The following LARGE1 variants were observed in gnomAD, a reference collection of about 807,000 sequenced individuals.
LARGE1 encodes the protein xylosyl- and glucuronyltransferase LARGE1.
In LARGE1, 43 loss-of-function variants were observed where a neutral mutation model predicts 87.6. The ratio of observed to expected loss-of-function variants is 0.49; its 90% CI spans 0.38 to 0.63. The LOEUF is 0.63. LARGE1 is among the 30% of genes least tolerant of loss of function. The pLI, the probability that LARGE1 is intolerant of heterozygous loss-of-function variation, is 0.00. For synonymous variants in LARGE1, 434 were observed against 394.6 expected (o/e 1.10, Z -1.18); for missense variants, 802 against 1,000.2 (o/e 0.80, Z 2.67).
intron 11 of LARGE1, among the ~76,000 whole-genome samples, chr22:33,224,611 A>C (rs545339407): frequency 6.6e-6 from 1 of 152,180 alleles, no homozygotes; most frequent in Non-Finnish European, 1.5e-5. Context: ...CACATATCAC[A>C]CTTTGAGTAG....
chr22:33,758,804 C>T (rs1425369018), intron 2 of LARGE1, among the ~76,000 whole-genome samples: 2 of 152,172 alleles, frequency 1.3e-5, no homozygotes, highest in African/African-American at 2.4e-5. Context: ...TGCCATTTGC[C>T]TTTGGTGGCC....
intron 5 of LARGE1, among the ~76,000 whole-genome samples, chr22:33,574,663 C>A (rs1025589212): frequency 6.9e-6 from 1 of 145,264 alleles, no homozygotes; most frequent in East Asian, 2.2e-4. Context: ...GATAGGACAA[C>A]GAAGGCACAG....
chr22:33,870,264 G>A (rs1471020155), intron 1 of LARGE1, among the ~76,000 whole-genome samples: 1 of 152,138 alleles, frequency 6.6e-6, no homozygotes, highest in African/African-American at 2.4e-5. Flanking sequence ...GTTTCAGAGA[G>A]CATGGCCCTG....
At chr22:33,255,532 T>A (rs1696214171) in intron 11 of LARGE1, among the ~76,000 whole-genome samples, 1 of 152,298 alleles carries the variant, frequency 6.6e-6, no homozygotes, top group Non-Finnish European at 1.5e-5. Flanking sequence ...CAAACCCAGA[T>A]GTAAGTTGAT....
At chr22:33,588,051 G>A (rs1028529395) in intron 5 of LARGE1, among the ~76,000 whole-genome samples, 1 of 152,088 alleles carries the variant, frequency 6.6e-6, no homozygotes, top group South Asian at 2.1e-4. Context: ...ATAAAATAAC[G>A]TTACTGGGAA....
At chr22:33,303,912 C>T (rs1934512186) in intron 12 of LARGE1, among the ~76,000 whole-genome samples, 1 of 152,140 alleles carries the variant, frequency 6.6e-6, no homozygotes, top group Non-Finnish European at 1.5e-5. Context: ...CGAGAGCCAT[C>T]GCGTGCCTGC....
intron 1 of LARGE1, among the ~76,000 whole-genome samples, chr22:33,830,374 C>T (rs1302339161): frequency 6.6e-6 from 1 of 152,148 alleles, no homozygotes; most frequent in Non-Finnish European, 1.5e-5. Flanking sequence ...CGAGTTCTTC[C>T]TTCCTTCCAG....
intron 1 of LARGE1, among the ~76,000 whole-genome samples, chr22:33,806,749 T>C (rs1309337328): frequency 1.3e-5 from 2 of 152,156 alleles, no homozygotes; most frequent in East Asian, 1.9e-4. Context: ...TGATGGCTCA[T>C]GCCTGTAATC....
intron 2 of LARGE1, among the ~76,000 whole-genome samples, chr22:33,759,764 T>C (rs2084655704): frequency 6.6e-6 from 1 of 152,186 alleles, no homozygotes; most frequent in Admixed American, 6.5e-5. Context: ...TTTTCCATGA[T>C]CTCTGGGAGA....
intron 9 of LARGE1, among the ~76,000 whole-genome samples, chr22:33,348,280 A>ACCC (rs11327050): frequency 1.1e-3 from 110 of 100,846 alleles, no homozygotes; most frequent in African/African-American, 1.4e-3. Flanking sequence ...TCCCCCACCC[A>ACCC]CCCCCCCCCA....
At chr22:33,753,829 G>C (rs1230632740) in intron 2 of LARGE1, among the ~76,000 whole-genome samples, 7 of 152,146 alleles carry the variant, frequency 4.6e-5, no homozygotes, top group Non-Finnish European at 1.0e-4. Context: ...GGAGGCCAAG[G>C]TGGGCGGGTC....
At chr22:33,436,653 C>T (rs1183962676) in intron 6 of LARGE1, 1 of 152,814 alleles carries the variant, frequency 6.5e-6, no homozygotes, top group African/African-American at 2.4e-5. Context: ...TAACTCCTTC[C>T]ACATCCATGG....
At chr22:33,494,979 C>A (rs2148318912) in intron 6 of LARGE1, among the ~76,000 whole-genome samples, 1 of 152,314 alleles carries the variant, frequency 6.6e-6, no homozygotes, top group East Asian at 1.9e-4. Context: ...CCACACTCCA[C>A]TCAGTAATGC....
At chr22:33,689,135 CAAAT>C (rs2082023502) in intron 2 of LARGE1, among the ~76,000 whole-genome samples, 1 of 129,938 alleles carries the variant, frequency 7.7e-6, no homozygotes, top group African/African-American at 2.9e-5. Context: ...CAAGGGCTGA[CAAAT>C]TTACTGTCTC....
rs74556043 is a variant in LARGE1 at position 33,464,064 on chromosome 22, A to G, written c.788-31799T>C. Among the ~76,000 whole-genome samples, 883 of 152,332 alleles carry G rather than the reference A, an allele frequency of 5.8e-3. 5 individuals carry two copies. Among genetic ancestry groups the G allele is most frequent in the African/African-American group, 0.02 (822 of 41,586 alleles). ...AGCACTACTAGCTATCAGGATTATT[A>G]TAAAGGCATAATAATCTAAACACAA... is the stretch of plus-strand genomic sequence containing the variant. On this transcript the variant is annotated intron_variant, in intron 6 of 14. Coordinates refer to ENST00000397394, the MANE Select transcript of LARGE1 (RefSeq NM_133642.5).
At chr22:33,553,976 C>T (rs1422758894) in intron 6 of LARGE1, among the ~76,000 whole-genome samples, 2 of 152,114 alleles carry the variant, frequency 1.3e-5, no homozygotes, top group Non-Finnish European at 2.9e-5. Flanking sequence ...CGTGAGGCTC[C>T]TCACTCCCAC....
At chr22:33,455,786 A>G (rs747042510) in intron 6 of LARGE1, among the ~76,000 whole-genome samples, 1 of 145,340 alleles carries the variant, frequency 6.9e-6, no homozygotes, top group African/African-American at 2.5e-5. Flanking sequence ...AAAAATTGCT[A>G]TTGGTTTAAA....
Position 33,738,565 on chromosome 22 carries a change from G to C in LARGE1, c.106+22806C>G, listed in dbSNP as rs534153696. Among the ~76,000 whole-genome samples, 10 of 152,268 alleles carry C rather than the reference G, an allele frequency of 6.6e-5. No homozygotes were observed. In the East Asian group the frequency reaches 1.9e-3, roughly 30 times the overall value. Reference sequence around the variant, plus strand: ...CAGCCTCCTGGTTGGGCAGTCGTAAGAGACCATGCCAGGGCCGGGCGCGGT... The same window carrying C: ...CAGCCTCCTGGTTGGGCAGTCGTAACAGACCATGCCAGGGCCGGGCGCGGT... On this transcript the variant is annotated intron_variant, in intron 2 of 14. Transcript: ENST00000397394.
intron 3 of LARGE1, among the ~76,000 whole-genome samples, chr22:33,639,849 C>T (rs189854722): frequency 6.6e-6 from 1 of 152,306 alleles, no homozygotes; most frequent in East Asian, 1.9e-4. Flanking sequence ...AACAGCACTG[C>T]ACAGGCAACA....
Sources: gnomAD v4.1 joint callset for allele counts (sites outside exome capture counted in the v4.1 genomes callset) on GRCh38, gnomAD v4.1.1 for gene constraint, MANE v1.5 for transcripts, NCBI Gene and HGNC (gene_info 2026-07-23, HGNC 2026-07-21) for gene names.